TUBB8: variants seen among roughly 807,000 people sequenced by gnomAD.
The protein encoded by TUBB8 is tubulin beta-8 chain.
TUBB8 carries 25 observed loss-of-function variants against 33.7 expected under a neutral mutation model. The observed-to-expected ratio is 0.74, with a 90% CI of 0.54 to 1.04. TUBB8 has a LOEUF of 1.04. Among genes scored for constraint, TUBB8 ranks in the 50% least tolerant of loss-of-function variants. The pLI is 0.00. For missense variants in TUBB8, 279 were observed against 608.0 expected (o/e 0.46, Z 5.69); for synonymous variants, 245 against 240.1 (o/e 1.02, Z -0.19).
intron 1 of TUBB8, among the ~76,000 whole-genome samples, chr10:62,475 G>T (rs1834615531): frequency 6.6e-6 from 1 of 152,202 alleles, no homozygotes; most frequent in South Asian, 2.1e-4. Context: ...GAAATATGTT[G>T]TAGTTATTTT....
At chr10:61,234 A>T (rs569933376) in intron 1 of TUBB8, among the ~76,000 whole-genome samples, 1 of 152,342 alleles carries the variant, frequency 6.6e-6, no homozygotes, top group Admixed American at 6.5e-5. Flanking sequence ...ATAATAAAAG[A>T]AAAATAAATA....
At chr10:52,399 G>T (rs541118790), upstream of TUBB8, among the ~76,000 whole-genome samples, 16 of 152,322 alleles carry the variant, frequency 1.1e-4, no homozygotes, top group East Asian at 3.1e-3. Flanking sequence ...AGGATTCTTA[G>T]ATCTTGTGCA....
chr10:71,443 G>A (rs1319767707), intron 1 of TUBB8, among the ~76,000 whole-genome samples: 2 of 151,358 alleles, frequency 1.3e-5, no homozygotes, highest in African/African-American at 2.4e-5. Flanking sequence ...AGACAAGCCT[G>A]ACCAATATGG....
At chr10:50,162 C>T (rs1383505818), upstream of TUBB8, 2 of 152,348 alleles carry the variant, frequency 1.3e-5, no homozygotes, top group South Asian at 2.1e-4. Flanking sequence ...AATTGCTGGC[C>T]ATTTGAGTCA....
intron 1 of TUBB8, among the ~76,000 whole-genome samples, chr10:56,938 G>A (rs1315404385): frequency 6.6e-6 from 1 of 151,918 alleles, no homozygotes; most frequent in Non-Finnish European, 1.5e-5. Flanking sequence ...CCTCCTATAA[G>A]CCTGTAAAAT....
intron 1 of TUBB8, among the ~76,000 whole-genome samples, chr10:72,468 G>A (rs1834750147): frequency 6.6e-6 from 1 of 152,118 alleles, no homozygotes; most frequent in Non-Finnish European, 1.5e-5. Flanking sequence ...TGATGCAGGA[G>A]AAGTGCTTGA....
upstream of TUBB8, among the ~76,000 whole-genome samples, chr10:53,896 A>C (rs1432478886): frequency 4.6e-5 from 7 of 152,306 alleles, no homozygotes; most frequent in Non-Finnish European, 8.8e-5. Context: ...TTTTAATTGT[A>C]ATTTTTAATT....
chr10:76,345 C>T (rs1340524840), upstream of TUBB8, among the ~76,000 whole-genome samples: 19 of 152,156 alleles, frequency 1.2e-4, no homozygotes, highest in Non-Finnish European at 2.8e-4. Flanking sequence ...TGGGGGTGAG[C>T]CGCCCAAGCC....
At chr10:58,057 T>C (rs1308762215) in intron 1 of TUBB8, among the ~76,000 whole-genome samples, 2 of 152,248 alleles carry the variant, frequency 1.3e-5, no homozygotes, top group African/African-American at 4.8e-5. Context: ...GCTTAGACAT[T>C]TTTCCAACAG....
At chr10:58,629 G>C (rs1554740468) in intron 1 of TUBB8, among the ~76,000 whole-genome samples, 1 of 152,082 alleles carries the variant, frequency 6.6e-6, no homozygotes, top group Non-Finnish European at 1.5e-5. Flanking sequence ...GAAAACAGAG[G>C]GGCGAGTTAC....
At chr10:70,705 TGGC>T (rs1834725392) in intron 1 of TUBB8, among the ~76,000 whole-genome samples, 1 of 151,854 alleles carries the variant, frequency 6.6e-6, no homozygotes, top group African/African-American at 2.4e-5. Context: ...CCAGGCATGG[TGGC>T]GCAGACCTGT....
At chr10:71,366 C>A (rs540365190) in intron 1 of TUBB8, among the ~76,000 whole-genome samples, 59 of 152,276 alleles carry the variant, frequency 3.9e-4, no homozygotes, top group African/African-American at 1.4e-3. Context: ...GGCGCAGTAG[C>A]TCACACCTGT....
upstream of TUBB8, among the ~76,000 whole-genome samples, chr10:53,392 T>C (rs1177851555): frequency 6.6e-6 from 1 of 152,242 alleles, no homozygotes; most frequent in Admixed American, 6.5e-5. Context: ...CCTCCCAAAT[T>C]GCTGGGATTA....
chr10:76,225 G>A (rs1264402226), upstream of TUBB8, among the ~76,000 whole-genome samples: 1 of 150,334 alleles, frequency 6.7e-6, no homozygotes, highest in Non-Finnish European at 1.5e-5. Flanking sequence ...CCAGTCCCCA[G>A]CCTCCCGACC....
At position 49,272 on chromosome 10, in the gene TUBB8, T is replaced by A; in HGVS notation, c.-34A>T. On this transcript the variant is annotated 5_prime_UTR_variant, in exon 1 of 4. Coordinates refer to ENST00000568584, the MANE Select transcript of TUBB8 (RefSeq NM_177987.3). ...CGGGATTAGGACGGCAGGAGAAACG[T>A]GAGAAGGAGGAGCAGACGCGCAGCG... 6.4e-7 allele frequency: 1 copy of A among 1,570,936 alleles called. No individual in the cohort carries two copies. Among genetic ancestry groups the A allele is most frequent in the Non-Finnish European group, 8.6e-7 (1 of 1,158,262 alleles).
chr10:75,580 G>A (rs1834800508), upstream of TUBB8, among the ~76,000 whole-genome samples: 1 of 147,026 alleles, frequency 6.8e-6, no homozygotes, highest in African/African-American at 2.5e-5. Context: ...GCTTAAACCC[G>A]GGAGGCGGAG....
chr10:62,623 T>A (rs1554741051), intron 1 of TUBB8, among the ~76,000 whole-genome samples: 1 of 152,242 alleles, frequency 6.6e-6, no homozygotes, highest in African/African-American at 2.4e-5. Flanking sequence ...GCTCATTCAC[T>A]TTTTTTCTTT....
chr10:48,579 T>G (rs1371559599), intron 3 of TUBB8, 36 bp downstream of exon 3: 31 of 1,571,326 alleles, frequency 2.0e-5, no homozygotes, highest in Non-Finnish European at 2.7e-5. Context: ...CTGCCCTGGC[T>G]AAGGAGCCGC....
chr10:49,313 C>G (rs1160422058), upstream of TUBB8: 1 of 1,483,192 alleles, frequency 6.7e-7, no homozygotes, highest in Non-Finnish European at 9.2e-7. Flanking sequence ...GCCCGCCCTC[C>G]GCCAACGTTT....
Sources: allele counts gnomAD v4.1 joint callset (sites outside exome capture counted in the v4.1 genomes callset), GRCh38; gene constraint gnomAD v4.1.1; transcripts MANE v1.5; gene names NCBI Gene and HGNC (gene_info 2026-07-23, HGNC 2026-07-21).